Variants in EHBP1L1 observed in about 807,000 individuals in gnomAD.
EHBP1L1 encodes the protein EH domain binding protein 1 like 1.
Under a neutral mutation model 151.1 loss-of-function variants are expected in EHBP1L1, and 122 were observed. The ratio of observed to expected loss-of-function variants is 0.81; its 90% confidence interval spans 0.70 to 0.94. EHBP1L1 has a LOEUF of 0.94. EHBP1L1 is among the 40% of genes least tolerant of loss of function. The pLI, the probability that EHBP1L1 is intolerant of heterozygous loss-of-function variation, is 0.00. For synonymous variants in EHBP1L1, 878 were observed against 810.1 expected (o/e 1.08, Z -1.42); for missense variants, 1,941 against 1,959.8 (o/e 0.99, Z 0.18).
In EHBP1L1 at chr11:65,576,245, G is replaced by C; in HGVS notation, c.-58G>C. 6.8e-7 allele frequency: 1 copy of C among 1,470,940 alleles called. No homozygotes were observed. Among genetic ancestry groups the C allele is most frequent in the South Asian group, 1.3e-5 (1 of 77,882 alleles). 91.1% of individuals were successfully genotyped at this position (1,470,940 alleles called of 1,614,324 possible). On this transcript the variant is annotated 5_prime_UTR_variant, in exon 1 of 19. Coordinates refer to ENST00000309295, the MANE Select transcript of EHBP1L1 (RefSeq NM_001099409.3). ...CCATGGGGACCCGGGCCGGGCCAGC[G>C]GTGGCGGGCCAGCGGGAGCCCCGGG... is the stretch of plus-strand genomic sequence containing the variant.
Position 65,582,995 on chromosome 11 carries a change from G to C in EHBP1L1, c.2323G>C (p.Gly775Arg), listed in dbSNP as rs936064402. 3.1e-6 allele frequency: 5 copies of C among 1,613,006 alleles called. No homozygotes were observed. The highest frequency in any genetic ancestry group is 4.2e-6 in the Non-Finnish European group (5 of 1,179,612). ...ETGAAEGAIL[G>R]TQEIASRDSG... The stretch of plus-strand genomic sequence containing the variant: ...TGGGGCAGCAGAAGGTGCGATATTG[G>C]GGACCCAAGAGATAGCATCTAGGGA... The change falls in exon 9 of 19, where the codon GGG becomes CGG. Residue 775 changes from glycine (G) to arginine (R), a missense_variant. Gly to Arg is a moderately radical substitution (Grantham distance 125). Coordinates refer to ENST00000309295, the MANE Select transcript of EHBP1L1 (RefSeq NM_001099409.3).
chr11:65,585,172 G>A lies in EHBP1L1; in HGVS notation c.3514G>A (p.Asp1172Asn). 2.3e-6 allele frequency: 3 copies of A among 1,328,896 alleles called. No individual in the cohort carries two copies. Among genetic ancestry groups the A allele is most frequent in the Non-Finnish European group, 2.9e-6 (3 of 1,043,776 alleles). The allele number at this position is 1,328,896 out of a possible 1,614,324, so 82.3% of individuals were successfully genotyped here. ...VGSAQPSPPD[D>N]LDAGGLAQRL... ...CAGCGCCCAGCCCAGCCCGCCCGAC[G>A]ACCTGGACGCCGGAGGCCTGGCGCA... is the stretch of plus-strand genomic sequence containing the variant. The change falls in exon 12 of 19, where the codon GAC becomes AAC. Residue 1172 changes from aspartate (D) to asparagine (N), a missense_variant. By Grantham distance (23) the Asp-to-Asn change is conservative. Transcript: ENST00000309295. This position sits in a 1 kb window ranked among gnomAD's most constrained non-coding sequence, Gnocchi z 4.0.
In EHBP1L1 at chr11:65,590,585, C is replaced by T; in HGVS notation, c.4276C>T (p.Gln1426Ter). 6.2e-7 allele frequency: 1 copy of T among 1,613,404 alleles called. No individual in the cohort carries two copies. The highest frequency in any genetic ancestry group is 8.5e-7 in the Non-Finnish European group (1 of 1,179,802). The change falls in exon 16 of 19, where the codon CAG (glutamine) becomes TAG (stop). Residue 1426 changes from glutamine (Q) to a stop codon, truncating the protein, a stop_gained. Transcript: ENST00000309295. LOFTEE classifies it high-confidence loss of function. ...NALIRRQDQL[Q>*]LLMEEQDLER... The stretch of plus-strand genomic sequence containing the variant: ...TCTCATCCGGAGGCAGGACCAGCTG[C>T]AGCTGCTGTGAGTGCTGGCCCCGGG...
In EHBP1L1 at chr11:65,591,354, C is replaced by T. The variant is rs114268706; in HGVS notation, c.4284-446C>T. 428 of 235,414 alleles carry T rather than the reference C, an allele frequency of 1.8e-3. 1 individual carries two copies. The highest frequency in any genetic ancestry group is 9.2e-3 in the African/African-American group (394 of 42,990). 14.6% of individuals were successfully genotyped at this position (235,414 alleles called of 1,614,324 possible). A position where few individuals can be genotyped will look rare whatever the true frequency, so the allele number is the denominator to read the frequency against. ...AGTGAGCCGAGATCGTGCCACTGCA[C>T]TCCAGCCTTTACAGTAAGGAAAACA... On this transcript the variant is annotated intron_variant, in intron 16 of 18. Coordinates refer to ENST00000309295, the MANE Select transcript of EHBP1L1 (RefSeq NM_001099409.3).
In EHBP1L1 at chr11:65,583,689, G is replaced by C. The variant is rs1445900796; in HGVS notation, c.3017G>C (p.Ser1006Thr). Residue 1006 changes from serine (S) to threonine (T), a missense_variant, in exon 9 of 19, where the codon AGT becomes ACT. Transcript: ENST00000309295. The part of the protein sequence containing the change: ...EASLPEAQVA[S>T]GAGAGAPRAS... ...AGCCTGCCTGAAGCACAGGTGGCCAGTGGGGCAGGGGCTGGGGCGCCCAGG... is the reference window on the plus strand; with the variant it reads ...AGCCTGCCTGAAGCACAGGTGGCCACTGGGGCAGGGGCTGGGGCGCCCAGG... 15 of 1,575,720 alleles carry C rather than the reference G, an allele frequency of 9.5e-6. No homozygotes were observed. Among genetic ancestry groups the C allele is most frequent in the Non-Finnish European group, 1.3e-5 (15 of 1,161,324 alleles).
At chr11:65,580,867 T>G in intron 6 of EHBP1L1, 191 bp from the exon 7 acceptor site, 1 of 1,364,978 alleles carries the variant, frequency 7.3e-7, no homozygotes, top group Non-Finnish European at 9.6e-7. Context: ...TTTTTCTCTG[T>G]CCACTGTTGA....
At chr11:65,577,951 A>C (rs1165289550) in intron 1 of EHBP1L1, among the ~76,000 whole-genome samples, 1 of 152,196 alleles carries the variant, frequency 6.6e-6, no homozygotes, top group Non-Finnish European at 1.5e-5. Context: ...GGGTACAGGC[A>C]AGGCCAGTTC....
At position 65,590,177 on chromosome 11, in the gene EHBP1L1, G is replaced by A. The variant is rs760500154; in HGVS notation, c.4150G>A (p.Val1384Met). Reference sequence around the variant, plus strand: ...GCAGATAGATGGGCGGGCGGCTGAGGTGGAGATGCAGCTGAGGAGCCTCAT... The same window carrying A: ...GCAGATAGATGGGCGGGCGGCTGAGATGGAGATGCAGCTGAGGAGCCTCAT... ...QRQIDGRAAE[V>M]EMQLRSLMES... The change falls in exon 15 of 19, where the codon GTG (valine) becomes ATG (methionine). Residue 1384 changes from valine (V) to methionine (M), a missense_variant. Physicochemically the swap from Val to Met is conservative, Grantham distance 21. Transcript: ENST00000309295. The A allele has an allele frequency of 6.2e-7, 1 of 1,613,722 alleles. No homozygotes were observed. Among genetic ancestry groups the A allele is most frequent in the East Asian group, 2.2e-5 (1 of 44,872 alleles).
chr11:65,579,417 T>C lies in EHBP1L1; in HGVS notation c.239T>C (p.Ile80Thr). The C allele has an allele frequency of 6.4e-7, 1 of 1,560,868 alleles. No individual in the cohort carries two copies. Among genetic ancestry groups the C allele is most frequent in the Non-Finnish European group, 8.7e-7 (1 of 1,152,020 alleles). Residue 80 changes from isoleucine (I) to threonine (T), a missense_variant, in exon 3 of 19, where the codon ATC becomes ACC. Physicochemically the swap from Ile to Thr is moderately conservative, Grantham distance 89. Coordinates refer to ENST00000309295, the MANE Select transcript of EHBP1L1 (RefSeq NM_001099409.3). ...VVWMVPENVD[I>T]SVTLYRDPHV... ...TGGATGGTACCTGAGAATGTGGACA[T>C]CTCTGTGACCCTCTACAGGGTGAGT...
chr11:65,591,244 C>T, intron 16 of EHBP1L1: 1 of 166,916 alleles, frequency 6.0e-6, no homozygotes, highest in South Asian at 1.3e-4. Flanking sequence ...ATTAGCCAGG[C>T]CTGGTGGCGG....
rs1249892676 is a variant in EHBP1L1 at position 65,582,195 on chromosome 11, G to A, written c.1523G>A (p.Gly508Asp). 2 of 1,544,610 alleles carry A rather than the reference G, an allele frequency of 1.3e-6. No individual in the cohort carries two copies. The highest frequency in any genetic ancestry group is 4.5e-5 in the East Asian group (2 of 44,428). The change falls in exon 9 of 19, where the codon GGT (glycine) becomes GAT (aspartate). Residue 508 changes from glycine (G) to aspartate (D), a missense_variant. Gly to Asp is a moderately conservative substitution (Grantham distance 94). Coordinates refer to ENST00000309295, the MANE Select transcript of EHBP1L1 (RefSeq NM_001099409.3). ...ARAAAGQERE[G>D]AEVRGGAPGI... ...GCTGCTGCAGGCCAGGAGAGAGAGG[G>A]TGCAGAAGTGAGGGGTGGAGCACCT...
At chr11:65,580,596 A>G (rs1261871866) in intron 6 of EHBP1L1, 117 bp downstream of exon 6, 2 of 1,359,846 alleles carry the variant, frequency 1.5e-6, no homozygotes, top group Non-Finnish European at 2.0e-6. Flanking sequence ...CTGCCCAGGC[A>G]GTCCCAACCA....
rs1350181540 is a variant in EHBP1L1, at chr11:65,583,522, G to A, written c.2850G>A (p.Gly950=). 7.4e-6 allele frequency: 12 copies of A among 1,613,242 alleles called. No homozygotes were observed. Among genetic ancestry groups the A allele is most frequent in the Non-Finnish European group, 1.0e-5 (12 of 1,179,728 alleles). ...GVWGMSEGKS[G]AWGAQEAEMK... is the part of the protein sequence containing the mutation. The stretch of plus-strand genomic sequence containing the variant: ...GGGGGATGTCAGAGGGCAAATCTGG[G>A]GCTTGGGGGGCCCAGGAAGCAGAGA... Residue 950 remains glycine, a synonymous_variant, in exon 9 of 19, where the codon GGG becomes GGA. Coordinates refer to ENST00000309295, the MANE Select transcript of EHBP1L1 (RefSeq NM_001099409.3).
At chr11:65,586,448 G>C (rs1857970378) in intron 12 of EHBP1L1, among the ~76,000 whole-genome samples, 1 of 152,260 alleles carries the variant, frequency 6.6e-6, no homozygotes, top group Non-Finnish European at 1.5e-5. Context: ...TGAAGGAAAG[G>C]AGTGAATTCA....
intron 1 of EHBP1L1, among the ~76,000 whole-genome samples, chr11:65,578,736 C>T (rs1026425670): frequency 6.6e-6 from 1 of 152,264 alleles, no homozygotes; most frequent in Non-Finnish European, 1.5e-5. Context: ...CTCACATGTG[C>T]ATCTGTGTCT....
At position 65,581,316 on chromosome 11, in the gene EHBP1L1, C is replaced by A. The variant is rs779526088; in HGVS notation, c.809C>A (p.Ala270Glu). The A allele has an allele frequency of 6.5e-5, 104 of 1,610,378 alleles. No individual in the cohort carries two copies. The highest frequency in any genetic ancestry group is 8.2e-5 in the Non-Finnish European group (97 of 1,178,874). The change falls in exon 8 of 19, where the codon GCG becomes GAG. Residue 270 changes from alanine to glutamate, a missense_variant. Physicochemically the swap from Ala to Glu is moderately radical, Grantham distance 107. Transcript: ENST00000309295. ...CAGGGGTCAGAACGAGCTAATGAAG[C>A]GGGGGGCCAGGTAGGCCCTGAGGCC... Reference protein sequence around the residue: ...RGQGSERANEAGGQVGPEAPR... With the variant: ...RGQGSERANEEGGQVGPEAPR...
rs1384587980 is a variant in EHBP1L1, at chr11:65,579,785, C to T, written c.259-151C>T. The T allele has an allele frequency of 5.0e-6, 4 of 792,840 alleles. No individual in the cohort carries two copies. The African/African-American group carries it at 7.1e-5, about 14-fold the overall frequency. The allele number at this position is 792,840 out of a possible 1,614,324, so 49.1% of individuals were successfully genotyped here. On this transcript the variant is annotated intron_variant, in intron 3 of 18. Coordinates refer to ENST00000309295, the MANE Select transcript of EHBP1L1 (RefSeq NM_001099409.3). ...GAGGTTGCAGTGAGCCGAGATCGCA[C>T]CCCTGCACTCCAGCCTCGACGACAG...
At position 65,580,236 on chromosome 11, in the gene EHBP1L1, G is replaced by A; in HGVS notation, c.468G>A (p.Val156=). 1.2e-6 allele frequency: 2 copies of A among 1,613,532 alleles called. No individual in the cohort carries two copies. Among genetic ancestry groups the A allele is most frequent in the South Asian group, 1.1e-5 (1 of 91,090 alleles). The change falls in exon 5 of 19, where the codon GTG becomes GTA. Residue 156 remains valine, a synonymous_variant. Transcript: ENST00000309295. ...AGCTGAGCCTCACTCTTTCCGGGGTGCTGCTGCGGGAGGGCCGTGCCACGT... is the reference window on the plus strand; with the variant it reads ...AGCTGAGCCTCACTCTTTCCGGGGTACTGCTGCGGGAGGGCCGTGCCACGT... ...QAELSLTLSG[V]LLREGRATDD... is the part of the protein sequence containing the mutation.
chr11:65,582,552 AGT>A lies in EHBP1L1; in HGVS notation c.1884_1885del (p.Cys628Ter), dbSNP rs1475906883. ...GAGTCAGAGGTTGCTGGGACAGCACAGTGTGAGGGACTGGAGACCCAGGAAAC... is the reference window on the plus strand; with the variant it reads ...GAGTCAGAGGTTGCTGGGACAGCACAGTGAGGGACTGGAGACCCAGGAAAC... On this transcript the variant is annotated frameshift_variant, in exon 9 of 19. Transcript: ENST00000309295. LOFTEE classifies it high-confidence loss of function. The A allele has an allele frequency of 6.2e-7, 1 of 1,613,412 alleles. No individual in the cohort carries two copies.
Sources: gnomAD v4.1 joint callset for allele counts (sites outside exome capture counted in the v4.1 genomes callset) on GRCh38, gnomAD v4.1.1 for gene constraint, Gnocchi (gnomAD v3.1) non-coding constraint, MANE v1.5 for transcripts, NCBI Gene and HGNC (gene_info 2026-07-23, HGNC 2026-07-21) for gene names.